Variants in HCRTR2 observed in about 807,000 individuals in gnomAD.
HCRTR2 encodes orexin receptor type 2.
Under a neutral mutation model 49.0 loss-of-function variants are expected in HCRTR2, and 22 were observed. The observed-to-expected ratio is 0.45, with a 90% CI of 0.32 to 0.64. The LOEUF (loss-of-function observed/expected upper bound fraction) is 0.64. Ranked by LOEUF, HCRTR2 falls within the 30% of genes least tolerant of loss-of-function variation. The pLI is 0.04. For synonymous variants in HCRTR2, 236 were observed against 205.3 expected, an observed-to-expected ratio of 1.15 and a Z score of -1.28; for missense variants, 491 against 559.4, an observed-to-expected ratio of 0.88 and a Z score of 1.23.
chr6:55,184,794 C>T (rs865969221), intron 1 of HCRTR2, among the ~76,000 whole-genome samples: 10 of 152,088 alleles, frequency 6.6e-5, no homozygotes, highest in South Asian at 2.1e-4. Flanking sequence ...GCTTTTATTC[C>T]TACTCAGTGA....
chr6:55,147,678 T>G (rs971596292), intron 1 of HCRTR2, among the ~76,000 whole-genome samples: 1 of 152,214 alleles, frequency 6.6e-6, no homozygotes, highest in African/African-American at 2.4e-5. Flanking sequence ...TCGGGTGGGT[T>G]TGATACTTCT....
intron 1 of HCRTR2, among the ~76,000 whole-genome samples, chr6:55,187,743 G>A (rs1231038793): frequency 2.5e-5 from 3 of 118,750 alleles, no homozygotes; most frequent in Non-Finnish European, 5.0e-5. Flanking sequence ...CTGCTATTGT[G>A]TTAGTTGTCT....
At position 55,277,438 on chromosome 6, in the gene HCRTR2, A is replaced by C; in HGVS notation, c.821A>C (p.Gln274Pro). The change falls in exon 5 of 7, where the codon CAG becomes CCG. Residue 274 changes from glutamine to proline, a missense_variant. Coordinates refer to ENST00000370862, the MANE Select transcript of HCRTR2 (RefSeq NM_001384272.1). Reference sequence around the variant, plus strand: ...TGGAAGCCCCTGCAGCCTGTTTCACAGCCTCGAGGGCCAGGACAGCCAACG... The same window carrying C: ...TGGAAGCCCCTGCAGCCTGTTTCACCGCCTCGAGGGCCAGGACAGCCAACG... ...RKWKPLQPVSQPRGPGQPTKS... is the reference protein window; with the variant it reads ...RKWKPLQPVSPPRGPGQPTKS... The C allele has an allele frequency of 6.2e-7, 1 of 1,614,130 alleles. No homozygotes were observed. The highest frequency in any genetic ancestry group is 8.5e-7 in the Non-Finnish European group (1 of 1,180,002).
intron 1 of HCRTR2, among the ~76,000 whole-genome samples, chr6:55,109,269 G>A (rs1262051107): frequency 6.6e-6 from 1 of 152,130 alleles, no homozygotes; most frequent in Non-Finnish European, 1.5e-5. Flanking sequence ...ACCCAAATGA[G>A]AAGGAGTCAG....
At chr6:55,220,202 G>T (rs753454000) in intron 1 of HCRTR2, among the ~76,000 whole-genome samples, 2 of 152,100 alleles carry the variant, frequency 1.3e-5, no homozygotes, top group Non-Finnish European at 1.5e-5. Flanking sequence ...TATGAGTCCA[G>T]CATTTTCCTG....
intron 1 of HCRTR2, among the ~76,000 whole-genome samples, chr6:55,165,449 C>T (rs1470285314): frequency 6.6e-6 from 1 of 151,910 alleles, no homozygotes; most frequent in East Asian, 1.9e-4. Context: ...GGATACCTTT[C>T]TTGTGTCATA....
At chr6:55,153,635 A>G (rs1466203090) in intron 1 of HCRTR2, among the ~76,000 whole-genome samples, 1 of 151,944 alleles carries the variant, frequency 6.6e-6, no homozygotes, top group East Asian at 1.9e-4. Context: ...TATATTTTGT[A>G]ATCAGGAAGT....
chr6:55,197,406 C>T (rs1765436568), intron 1 of HCRTR2, among the ~76,000 whole-genome samples: 1 of 152,174 alleles, frequency 6.6e-6, no homozygotes, highest in African/African-American at 2.4e-5. Flanking sequence ...AAATATAACT[C>T]TAACTCGAAG....
chr6:55,219,572 A>T (rs1183351685), intron 1 of HCRTR2, among the ~76,000 whole-genome samples: 4 of 152,190 alleles, frequency 2.6e-5, no homozygotes, highest in African/African-American at 9.6e-5. Context: ...GCAAGAGTTA[A>T]GTTTATAGTG....
At chr6:55,275,061 A>G (rs1767052100) in intron 4 of HCRTR2, among the ~76,000 whole-genome samples, 1 of 152,046 alleles carries the variant, frequency 6.6e-6, no homozygotes, top group Non-Finnish European at 1.5e-5. Context: ...TGGCAAATTC[A>G]TTGTTTATTC....
chr6:55,147,248 T>G (rs1366932231), intron 1 of HCRTR2, among the ~76,000 whole-genome samples: 2 of 152,146 alleles, frequency 1.3e-5, no homozygotes, highest in Non-Finnish European at 2.9e-5. Flanking sequence ...AAAAGTATAA[T>G]ATATACATTA....
chr6:55,262,332 GTTATATATAATA>G (rs1766774570), intron 3 of HCRTR2, among the ~76,000 whole-genome samples: 1 of 137,740 alleles, frequency 7.3e-6, no homozygotes, highest in African/African-American at 2.7e-5. Context: ...TATATTATAT[GTTATATATAATA>G]TTATATATAA....
chr6:55,276,193 A>C (rs1767073867), intron 4 of HCRTR2, among the ~76,000 whole-genome samples: 1 of 152,222 alleles, frequency 6.6e-6, no homozygotes, highest in Admixed American at 6.5e-5. Context: ...GACAAGACAT[A>C]CAGAGTGAGA....
At chr6:55,157,524 G>A (rs1034999421) in intron 1 of HCRTR2, among the ~76,000 whole-genome samples, 4 of 152,156 alleles carry the variant, frequency 2.6e-5, no homozygotes, top group African/African-American at 9.7e-5. Flanking sequence ...GAAGCCTAGG[G>A]CCTTCAGGGA....
At chr6:55,213,153 A>G (rs775103623) in intron 1 of HCRTR2, among the ~76,000 whole-genome samples, 22 of 152,170 alleles carry the variant, frequency 1.4e-4, no homozygotes, top group Non-Finnish European at 2.1e-4. Context: ...AGGAGCTAGT[A>G]CAGAAAGCAA....
intron 4 of HCRTR2, among the ~76,000 whole-genome samples, chr6:55,269,731 G>C (rs2127325917): frequency 6.6e-6 from 1 of 152,224 alleles, no homozygotes; most frequent in East Asian, 1.9e-4. Flanking sequence ...GACTGAGGCG[G>C]GAGGATCACA....
intron 1 of HCRTR2, among the ~76,000 whole-genome samples, chr6:55,235,436 A>G (rs780239961): frequency 6.6e-6 from 1 of 152,154 alleles, no homozygotes; most frequent in Non-Finnish European, 1.5e-5. Flanking sequence ...AATGTGTTGT[A>G]AATAACTTCT....
intron 1 of HCRTR2, among the ~76,000 whole-genome samples, chr6:55,233,933 A>G (rs538219370): frequency 4.8e-4 from 73 of 152,332 alleles, no homozygotes; most frequent in South Asian, 1.0e-3. Context: ...TTTGTAGCAG[A>G]GACCTGGATT....
intron 4 of HCRTR2, among the ~76,000 whole-genome samples, chr6:55,272,708 G>A (rs35407337): frequency 0.01 from 1,540 of 151,744 alleles, 17 homozygotes; most frequent in South Asian, 0.025. Context: ...AATTATCCAC[G>A]GGTTGTTTTA....
Sources: gnomAD v4.1 joint callset for allele counts (sites outside exome capture counted in the v4.1 genomes callset) on GRCh38, gnomAD v4.1.1 for gene constraint, MANE v1.5 for transcripts, NCBI Gene and HGNC (gene_info 2026-07-23, HGNC 2026-07-21) for gene names.